Variants in RAD51B observed in about 807,000 individuals in gnomAD.
RAD51B encodes the protein RAD51 paralog B, also known as DNA repair protein RAD51 homolog 2.
RAD51B carries 38 observed loss-of-function variants against 42.2 expected under a neutral mutation model. The observed-to-expected ratio is 0.90, with a 90% confidence interval of 0.70 to 1.18. The LOEUF (loss-of-function observed/expected upper bound fraction) is 1.18, where lower values mean the gene tolerates loss of function less well. RAD51B is among the 50% of genes most tolerant of loss of function. The pLI, the probability that RAD51B is intolerant of heterozygous loss-of-function variation, is 0.00. For missense variants in RAD51B, 373 were observed against 400.7 expected (o/e 0.93, Z 0.59); for synonymous variants, 154 against 145.2 (o/e 1.06, Z -0.43).
At chr14:68,457,686 C>A (rs1369344367) in intron 9 of RAD51B, among the ~76,000 whole-genome samples, 1 of 151,902 alleles carries the variant, frequency 6.6e-6, no homozygotes, top group Non-Finnish European at 1.5e-5. Context: ...GCAACCTCCA[C>A]CTCCTGGGTT....
chr14:68,573,327 G>A (rs1566942069), intron 10 of RAD51B, among the ~76,000 whole-genome samples: 1 of 152,002 alleles, frequency 6.6e-6, no homozygotes, highest in Admixed American at 6.6e-5. Flanking sequence ...GGCTGCACTG[G>A]ACTCCTTACT....
At chr14:68,280,914 G>A (rs569625501) in intron 7 of RAD51B, among the ~76,000 whole-genome samples, 12 of 152,016 alleles carry the variant, frequency 7.9e-5, no homozygotes, top group Admixed American at 2.0e-4. Flanking sequence ...AACATTGGCC[G>A]GGTGTGGTGG....
At chr14:68,356,964 C>T (rs1264595775) in intron 8 of RAD51B, among the ~76,000 whole-genome samples, 7 of 113,782 alleles carry the variant, frequency 6.2e-5, no homozygotes, top group Non-Finnish European at 9.9e-5. Context: ...GCCTGGGCGA[C>T]AGAGCGAGAC....
chr14:68,433,850 G>T (rs1310956231), intron 9 of RAD51B, among the ~76,000 whole-genome samples: 1 of 152,286 alleles, frequency 6.6e-6, no homozygotes, highest in Non-Finnish European at 1.5e-5. Context: ...CAGCTTTTCT[G>T]CTCTGTTTTT....
chr14:67,868,169 G>A (rs1307061070), intron 5 of RAD51B, among the ~76,000 whole-genome samples: 1 of 152,212 alleles, frequency 6.6e-6, no homozygotes. Context: ...TTCCATCTGA[G>A]GTACCGGGTT....
chr14:68,344,675 C>T (rs935049218), intron 8 of RAD51B, among the ~76,000 whole-genome samples: 24 of 128,658 alleles, frequency 1.9e-4, no homozygotes, highest in African/African-American at 6.2e-4. Flanking sequence ...AGCCTGGGTG[C>T]GGTGGCTCAC....
intron 5 of RAD51B, among the ~76,000 whole-genome samples, chr14:67,883,339 A>C (rs931138116): frequency 2.6e-5 from 4 of 152,034 alleles, no homozygotes; most frequent in East Asian, 1.9e-4. Flanking sequence ...AAAAAAAAAA[A>C]AAACAAAAAC....
chr14:68,622,531 T>C (rs1336807949), intron 10 of RAD51B, among the ~76,000 whole-genome samples: 3 of 152,012 alleles, frequency 2.0e-5, no homozygotes, highest in Non-Finnish European at 2.9e-5. Flanking sequence ...GGCATTTAAA[T>C]TAAAGGCAAG....
At position 68,062,029 on chromosome 14, in the gene RAD51B, T is replaced by C. The variant is rs537746112; in HGVS notation, c.756+174825T>C. On this transcript the variant is annotated intron_variant, in intron 7 of 10. Transcript: ENST00000471583. ...TCACCATAAGGTATGATGTTGGCTG[T>C]GGATTTGTCAGATATGGCCTTTATT... Among the ~76,000 whole-genome samples the C allele has an allele frequency of 3.3e-5, 5 of 152,342 alleles. No individual in the cohort carries two copies. The South Asian group carries it at 1.0e-3, about 32-fold the overall frequency.
chr14:68,280,126 G>A (rs1232053217), intron 7 of RAD51B, among the ~76,000 whole-genome samples: 1 of 152,160 alleles, frequency 6.6e-6, no homozygotes, highest in African/African-American at 2.4e-5. Context: ...TTCCCTTGCC[G>A]GACCTACTGG....
At chr14:68,667,291 A>T (rs1164533100) in intron 11 of RAD51B, among the ~76,000 whole-genome samples, 2 of 152,226 alleles carry the variant, frequency 1.3e-5, no homozygotes, top group African/African-American at 4.8e-5. Flanking sequence ...ACTCAGGCAG[A>T]ATTTCTGTTG....
chr14:67,864,849 T>A, intron 4 of RAD51B, 154 bp from the exon 5 acceptor site: 1 of 1,197,068 alleles, frequency 8.4e-7, no homozygotes, highest in Non-Finnish European at 1.2e-6. Context: ...TTCCATACAA[T>A]GGATGTCTTG....
At chr14:67,868,979 A>G (rs1316465482) in intron 5 of RAD51B, among the ~76,000 whole-genome samples, 1 of 152,262 alleles carries the variant, frequency 6.6e-6, no homozygotes, top group Non-Finnish European at 1.5e-5. Context: ...AACCACAAAG[A>G]TGGGGAAAAA....
chr14:68,648,684 C>A (rs1037923780), intron 10 of RAD51B, among the ~76,000 whole-genome samples: 1 of 134,402 alleles, frequency 7.4e-6, no homozygotes, highest in East Asian at 2.3e-4. Context: ...AACACACACA[C>A]ACACACACAC....
intron 10 of RAD51B, among the ~76,000 whole-genome samples, chr14:68,608,458 A>T (rs1891544415): frequency 6.6e-6 from 1 of 152,098 alleles, no homozygotes; most frequent in South Asian, 2.1e-4. Flanking sequence ...CGTGGTGAGG[A>T]AGTCCCGGGG....
chr14:68,672,452 T>G (rs1020938455), intron 11 of RAD51B, among the ~76,000 whole-genome samples: 2 of 152,204 alleles, frequency 1.3e-5, no homozygotes, highest in African/African-American at 4.8e-5. Flanking sequence ...GAGCTGGGGT[T>G]TGGAAGAGTG....
chr14:67,836,047 G>A (rs577926611), intron 4 of RAD51B, among the ~76,000 whole-genome samples: 2 of 152,272 alleles, frequency 1.3e-5, no homozygotes, highest in South Asian at 2.1e-4. Context: ...GGAAGTGATA[G>A]GTTATTGGAT....
chr14:68,354,982 A>G (rs1366294050), intron 8 of RAD51B, among the ~76,000 whole-genome samples: 1 of 152,150 alleles, frequency 6.6e-6, no homozygotes, highest in African/African-American at 2.4e-5. Flanking sequence ...GTATTAGGGT[A>G]CTATCCGAGT....
At chr14:68,502,375 C>T (rs1230971057) in intron 10 of RAD51B, among the ~76,000 whole-genome samples, 5 of 152,192 alleles carry the variant, frequency 3.3e-5, no homozygotes, top group African/African-American at 1.2e-4. Flanking sequence ...GGGGGGCGCA[C>T]AGCTGCAGTT....
Sources: gnomAD v4.1 joint callset for allele counts (sites outside exome capture counted in the v4.1 genomes callset) on GRCh38, gnomAD v4.1.1 for gene constraint, MANE v1.5 for transcripts, NCBI Gene and HGNC (gene_info 2026-07-23, HGNC 2026-07-21) for gene names.